Variants in ARHGEF28 observed in about 807,000 individuals in gnomAD.
ARHGEF28 encodes 190 kDa guanine nucleotide exchange factor.
Under a neutral mutation model 206.6 loss-of-function variants are expected in ARHGEF28, and 152 were observed. That is an observed-to-expected ratio of 0.74 (90% CI 0.64 to 0.84). The LOEUF is 0.84. ARHGEF28 is among the 40% of genes least tolerant of loss of function. The pLI is 0.00. For missense variants in ARHGEF28, 2,028 were observed against 2,073.2 expected, an observed-to-expected ratio of 0.98 and a Z score of 0.42; for synonymous variants, 763 against 776.4, an observed-to-expected ratio of 0.98 and a Z score of 0.29.
rs61748630 is a variant in ARHGEF28, at chr5:73,909,730, G to C, written c.4480G>C (p.Asp1494His). 1.3e-5 allele frequency: 19 copies of C among 1,517,360 alleles called. No homozygotes were observed. The Admixed American group carries it at 3.8e-4, about 31-fold the overall frequency. The allele number at this position is 1,517,360 out of a possible 1,614,324, so 94.0% of individuals were successfully genotyped here. A position where few individuals can be genotyped will look rare whatever the true frequency, so the allele number is the denominator to read the frequency against. ...ELLLRSRGEL[D>H]LQLQEYQHSL... ...GCTGCTGCGGAGCCGGGGCGAGCTGGACCTCCAGCTCCAGGAGTACCAGCA... is the reference window on the plus strand; with the variant it reads ...GCTGCTGCGGAGCCGGGGCGAGCTGCACCTCCAGCTCCAGGAGTACCAGCA... Residue 1494 changes from aspartate (D) to histidine (H), a missense_variant, in exon 34 of 36, where the codon GAC becomes CAC. Physicochemically the swap from Asp to His is moderately conservative, Grantham distance 81. This residue lies in a region of ARHGEF28 where 803 missense variants were observed against 768.0 expected (regional missense o/e 1.05). Coordinates refer to ENST00000513042, the MANE Select transcript of ARHGEF28 (RefSeq NM_001177693.2).
In ARHGEF28 at chr5:73,801,456, A is replaced by G. The variant is rs944592088; in HGVS notation, c.1024+6065A>G. Among the ~76,000 whole-genome samples the G allele has an allele frequency of 4.6e-4, 70 of 152,136 alleles. 1 individual carries two copies. Among genetic ancestry groups the G allele is most frequent in the Admixed American group, 1.8e-3 (27 of 15,292 alleles). Reference sequence around the variant, plus strand: ...AGCGAGACTCCATCTCAAAAAATAAAAAAAATAAAAAAATAAAAAATAAAT... The same window carrying G: ...AGCGAGACTCCATCTCAAAAAATAAGAAAAATAAAAAAATAAAAAATAAAT... On this transcript the variant is annotated intron_variant, in intron 9 of 35. Coordinates refer to ENST00000513042, the MANE Select transcript of ARHGEF28 (RefSeq NM_001177693.2).
At chr5:73,769,393 G>A (rs755213852) in intron 4 of ARHGEF28, among the ~76,000 whole-genome samples, 7 of 152,030 alleles carry the variant, frequency 4.6e-5, no homozygotes, top group African/African-American at 7.2e-5. Flanking sequence ...GTGTTACAAC[G>A]TATGTATATA....
At chr5:73,867,074 A>G (rs1759751844) in intron 18 of ARHGEF28, among the ~76,000 whole-genome samples, 2 of 152,184 alleles carry the variant, frequency 1.3e-5, no homozygotes, top group African/African-American at 2.4e-5. Context: ...TCTCATTTTC[A>G]TAGGGTTAAA....
At position 73,794,288 on chromosome 5, in the gene ARHGEF28, C is replaced by T. The variant is rs561993463; in HGVS notation, c.911-114C>T. On this transcript the variant is annotated intron_variant, in intron 7 of 35. Coordinates refer to ENST00000513042, the MANE Select transcript of ARHGEF28 (RefSeq NM_001177693.2). ...TTTTTAAGAGGCCTAATCTAAAAAC[C>T]TATCTCTGTGCAGAAGGCTCCTGGG... 6 of 785,224 alleles carry T rather than the reference C, an allele frequency of 7.6e-6. No individual in the cohort carries two copies. The East Asian group carries it at 1.7e-4, about 22-fold the overall frequency. 48.6% of individuals were successfully genotyped at this position (785,224 alleles called of 1,614,324 possible).
intron 2 of ARHGEF28, among the ~76,000 whole-genome samples, chr5:73,699,151 CTGTG>C (rs141319721): frequency 6.7e-6 from 1 of 150,278 alleles, no homozygotes; most frequent in African/African-American, 2.4e-5. Flanking sequence ...TCCCCTAGAG[CTGTG>C]TGTGTGTGTG....
At chr5:73,639,873 A>G (rs1743959316) in intron 1 of ARHGEF28, among the ~76,000 whole-genome samples, 2 of 152,152 alleles carry the variant, frequency 1.3e-5, no homozygotes, top group Admixed American at 1.3e-4. Context: ...TCATTTTCTT[A>G]TTTAGAAATA....
intron 14 of ARHGEF28, among the ~76,000 whole-genome samples, chr5:73,854,869 A>G (rs1017112506): frequency 6.6e-6 from 1 of 151,888 alleles, no homozygotes; most frequent in African/African-American, 2.4e-5. Context: ...AACAACAACA[A>G]AAAAACACTT....
At chr5:73,654,120 T>A (rs1745018807) in intron 1 of ARHGEF28, among the ~76,000 whole-genome samples, 1 of 152,210 alleles carries the variant, frequency 6.6e-6, no homozygotes. Flanking sequence ...CCTAGTCATG[T>A]ACCAGCCCCT....
At chr5:73,917,199 C>T (rs282410) in intron 35 of ARHGEF28, among the ~76,000 whole-genome samples, 12,266 of 152,158 alleles carry the variant, frequency 0.081, 549 homozygotes, top group South Asian at 0.2. Context: ...AGCTGAAGGG[C>T]TGAAGACATT....
intron 2 of ARHGEF28, among the ~76,000 whole-genome samples, chr5:73,733,820 C>T (rs1475801493): frequency 6.6e-6 from 1 of 151,992 alleles, no homozygotes; most frequent in African/African-American, 2.4e-5. Context: ...GTGTAACTGG[C>T]TCACAGTTCT....
chr5:73,911,646 T>C, intron 35 of ARHGEF28, 71 bp downstream of exon 35: 1 of 1,432,840 alleles, frequency 7.0e-7, no homozygotes, highest in Non-Finnish European at 9.4e-7. Flanking sequence ...TTGGCTCTTG[T>C]GTAGAGTGAA....
chr5:73,695,976 C>G (rs527400782), intron 2 of ARHGEF28, among the ~76,000 whole-genome samples: 1 of 152,294 alleles, frequency 6.6e-6, no homozygotes, highest in Admixed American at 6.5e-5. Flanking sequence ...AGGAATGCCA[C>G]TAAGGTAGGA....
chr5:73,883,476 A>C (rs1342386538), intron 23 of ARHGEF28, among the ~76,000 whole-genome samples: 1 of 152,188 alleles, frequency 6.6e-6, no homozygotes, highest in Non-Finnish European at 1.5e-5. Context: ...TATTTTTCAA[A>C]AATTTTGCTA....
At chr5:73,834,667 A>T (rs1431443067) in intron 10 of ARHGEF28, among the ~76,000 whole-genome samples, 1 of 152,180 alleles carries the variant, frequency 6.6e-6, no homozygotes, top group East Asian at 1.9e-4. Flanking sequence ...TAAGATTATA[A>T]TACCATATTT....
intron 35 of ARHGEF28, among the ~76,000 whole-genome samples, chr5:73,914,463 C>G (rs1763093739): frequency 1.6e-5 from 2 of 124,760 alleles, no homozygotes; most frequent in Admixed American, 2.1e-4. Flanking sequence ...GTGGTAATAT[C>G]TTGGCTCACT....
At chr5:73,721,986 T>G (rs536583661) in intron 2 of ARHGEF28, among the ~76,000 whole-genome samples, 3 of 152,302 alleles carry the variant, frequency 2.0e-5, no homozygotes, top group South Asian at 2.1e-4. Flanking sequence ...GAAATTTCTT[T>G]GCAGGTTTAG....
intron 2 of ARHGEF28, among the ~76,000 whole-genome samples, chr5:73,742,576 G>T (rs2112379961): frequency 6.6e-6 from 1 of 151,776 alleles, no homozygotes; most frequent in Admixed American, 6.6e-5. Flanking sequence ...TGTAATCCCA[G>T]CACTTTGGGA....
chr5:73,766,797 T>C (rs947547428), intron 4 of ARHGEF28, among the ~76,000 whole-genome samples: 1 of 152,266 alleles, frequency 6.6e-6, no homozygotes, highest in Non-Finnish European at 1.5e-5. Context: ...CAGCATTATC[T>C]AATACATTTA....
chr5:73,701,676 T>C (rs114491448), intron 2 of ARHGEF28, among the ~76,000 whole-genome samples: 316 of 152,314 alleles, frequency 2.1e-3, no homozygotes, highest in African/African-American at 6.7e-3. Context: ...AATTTTGTCA[T>C]TTCAAGAATG....
Sources: gnomAD v4.1 joint callset for allele counts (sites outside exome capture counted in the v4.1 genomes callset) on GRCh38, gnomAD v4.1.1 for gene constraint, gnomAD v4.1.1 regional missense constraint, MANE v1.5 for transcripts, NCBI Gene and HGNC (gene_info 2026-07-23, HGNC 2026-07-21) for gene names.